Variants in LIG1 observed in about 807,000 individuals in gnomAD.
The protein encoded by LIG1 is ligase I, DNA, ATP-dependent.
LIG1 carries 70 observed loss-of-function variants against 115.7 expected under a neutral mutation model. The observed-to-expected ratio is 0.60, with a 90% CI of 0.50 to 0.74. LIG1 has a LOEUF of 0.74. LIG1 is among the 30% of genes least tolerant of loss of function. The pLI, the probability that LIG1 is intolerant of heterozygous loss-of-function variation, is 0.00. For synonymous variants in LIG1, 487 were observed against 495.3 expected (o/e 0.98, Z 0.22); for missense variants, 1,115 against 1,225.6 (o/e 0.91, Z 1.35).
At chr19:48,133,909 T>C (rs1179213691) in intron 17 of LIG1, 72 bp downstream of exon 17, 2 of 1,300,132 alleles carry the variant, frequency 1.5e-6, no homozygotes, top group East Asian at 2.5e-5. Flanking sequence ...GCGCCTACGA[T>C]GGCCACCCTC....
intron 17 of LIG1, among the ~76,000 whole-genome samples, chr19:48,133,724 T>C (rs2034193030): frequency 6.6e-6 from 1 of 151,974 alleles, no homozygotes. Flanking sequence ...GCCTCCCGAG[T>C]AGCTGGGATC....
At chr19:48,143,088 C>T (rs561346623) in intron 11 of LIG1, among the ~76,000 whole-genome samples, 1 of 152,302 alleles carries the variant, frequency 6.6e-6, no homozygotes, top group Admixed American at 6.5e-5. Flanking sequence ...CAGGGTGGGG[C>T]AGTGCTATGC....
At chr19:48,128,530 CCT>C (rs955685016) in intron 19 of LIG1, among the ~76,000 whole-genome samples, 20 of 152,226 alleles carry the variant, frequency 1.3e-4, no homozygotes, top group African/African-American at 2.4e-4. Context: ...CACCTGGCCC[CCT>C]GAGCCTCTCT....
intron 9 of LIG1, chr19:48,147,459 T>A (rs573975555): frequency 1.3e-5 from 2 of 152,024 alleles, no homozygotes; most frequent in Non-Finnish European, 2.9e-5. Flanking sequence ...GGAGGATCAC[T>A]TGAGTCCAGG....
At chr19:48,123,619 T>C (rs1051094707) in intron 21 of LIG1, 3 of 435,128 alleles carry the variant, frequency 6.9e-6, no homozygotes, top group African/African-American at 4.0e-5. Context: ...AGTTTTGTTT[T>C]TTGTTTTTGT....
At position 48,131,174 on chromosome 19, in the gene LIG1, G is replaced by C; in HGVS notation, c.1726-3C>G. ...TCCCCGCCTTCCAGGGCGTGGATCT[G>C]TCACGATGGGAGAAGGGAGGGGAAA... is the stretch of plus-strand genomic sequence containing the variant. On this transcript the variant is annotated splice_region_variant and splice_polypyrimidine_tract_variant and intron_variant, in intron 18 of 27. Transcript: ENST00000263274. 6.2e-7 allele frequency: 1 copy of C among 1,612,472 alleles called. No homozygotes were observed. Among genetic ancestry groups the C allele is most frequent in the Non-Finnish European group, 8.5e-7 (1 of 1,178,552 alleles).
rs780538859 is a variant in LIG1, at chr19:48,157,099, A to C, written c.285T>G (p.Pro95=). 1 of 1,613,700 alleles carries C rather than the reference A, an allele frequency of 6.2e-7. No homozygotes were observed. The highest frequency in any genetic ancestry group is 1.1e-5 in the South Asian group (1 of 91,072). The part of the protein sequence containing the change: ...LDCSQVSPPR[P]ATSPENNASL... ...AAGCATTGTTCTCAGGAGATGTGGC[A>C]GGACGGGGCGGGGAGACCTGTGAGC... is the stretch of plus-strand genomic sequence containing the variant. Residue 95 remains proline (P), a synonymous_variant, in exon 5 of 28, where the codon CCT becomes CCG. Transcript: ENST00000263274.
chr19:48,147,371 GAT>G (rs1302848450), intron 9 of LIG1: 1 of 152,086 alleles, frequency 6.6e-6, no homozygotes, highest in African/African-American at 2.4e-5. Context: ...ACTTCAGATG[GAT>G]ATATGATTAT....
At chr19:48,157,216 G>A in intron 4 of LIG1, 76 bp from the exon 5 acceptor site, 11 of 1,426,202 alleles carry the variant, frequency 7.7e-6, no homozygotes, top group Middle Eastern at 2.2e-4. Context: ...AGAGTAGAGG[G>A]GACTGAAACC....
At position 48,151,980 on chromosome 19, in the gene LIG1, G is replaced by C. The variant is rs2035506195; in HGVS notation, c.467-641C>G. Among the ~76,000 whole-genome samples, 4 of 152,006 alleles carry C rather than the reference G, an allele frequency of 2.6e-5. No homozygotes were observed. The South Asian group carries it at 6.2e-4, about 24-fold the overall frequency. On this transcript the variant is annotated intron_variant, in intron 6 of 27. Transcript: ENST00000263274. Reference sequence around the variant, plus strand: ...TTAAAAAAAAAATCTTACCTCTAGGGTCACAATACAAACTACAAAAACCAA... The same window carrying C: ...TTAAAAAAAAAATCTTACCTCTAGGCTCACAATACAAACTACAAAAACCAA...
intron 19 of LIG1, 57 bp downstream of exon 19, chr19:48,131,019 C>T: frequency 7.1e-7 from 1 of 1,400,716 alleles, no homozygotes; most frequent in Non-Finnish European, 1.0e-6. Flanking sequence ...GGGCCTCAGG[C>T]CTTTGCACCC....
rs1183180658 is a variant in LIG1, at chr19:48,136,110, C to A, written c.1347G>T (p.Arg449=). The A allele has an allele frequency of 5.1e-6, 8 of 1,569,452 alleles. No homozygotes were observed. The South Asian group carries it at 8.2e-5, about 16-fold the overall frequency. Residue 449 remains arginine, a synonymous_variant, in exon 15 of 28, where the codon CGG becomes CGT. Coordinates refer to ENST00000263274, the MANE Select transcript of LIG1 (RefSeq NM_000234.3). The part of the protein sequence containing the change: ...ARFIARSLSG[R]LRLGLAEQSV... ...ACTGCTCTGCCAGCCCAAGGCGCAG[C>A]CGTCCGCTCAGGGACCTGGGGAGAG... is the stretch of plus-strand genomic sequence containing the variant.
chr19:48,155,507 C>T (rs2035777877), intron 5 of LIG1, among the ~76,000 whole-genome samples: 1 of 152,102 alleles, frequency 6.6e-6, no homozygotes, highest in African/African-American at 2.4e-5. Flanking sequence ...TCGGCTCAGC[C>T]ATCACCTCCC....
chr19:48,169,352 A>C (rs1292296347), intron 1 of LIG1, among the ~76,000 whole-genome samples: 2 of 152,244 alleles, frequency 1.3e-5, no homozygotes, highest in Non-Finnish European at 2.9e-5. Flanking sequence ...CAAGGTCTGT[A>C]ATCTAGTTAA....
At chr19:48,136,191 T>C in intron 14 of LIG1, 66 bp from the exon 15 acceptor site, 1 of 1,206,262 alleles carries the variant, frequency 8.3e-7, no homozygotes, top group Non-Finnish European at 1.2e-6. Flanking sequence ...TCCTCCCTTC[T>C]CTGATCTCCT....
intron 24 of LIG1, chr19:48,120,844 T>C: frequency 4.9e-6 from 4 of 813,396 alleles, no homozygotes; most frequent in Non-Finnish European, 6.3e-6. Context: ...AGGAGGAACC[T>C]GAATCCCTAA....
chr19:48,115,898 G>A lies in LIG1; in HGVS notation c.2651C>T (p.Pro884Leu), dbSNP rs201176712. Reference sequence around the variant, plus strand: ...CTGAGCACTGGTGGTGGCCTGCTCCGGCTGCTTGTCTTCACGGACTCGAAT... The same window carrying A: ...CTGAGCACTGGTGGTGGCCTGCTCCAGCTGCTTGTCTTCACGGACTCGAAT... ...RFIRVREDKQ[P>L]EQATTSAQVA... The change falls in exon 27 of 28, where the codon CCG becomes CTG. Residue 884 changes from proline to leucine, a missense_variant. Coordinates refer to ENST00000263274, the MANE Select transcript of LIG1 (RefSeq NM_000234.3). 8.1e-6 allele frequency: 13 copies of A among 1,613,978 alleles called. No homozygotes were observed. Among genetic ancestry groups the A allele is most frequent in the South Asian group, 4.4e-5 (4 of 91,082 alleles).
At chr19:48,125,716 T>C (rs1401313805) in intron 21 of LIG1, among the ~76,000 whole-genome samples, 1 of 152,152 alleles carries the variant, frequency 6.6e-6, no homozygotes, top group Non-Finnish European at 1.5e-5. Context: ...GGGCCGGGCG[T>C]GGTGGCTCAC....
intron 2 of LIG1, among the ~76,000 whole-genome samples, chr19:48,162,561 G>A (rs1159794690): frequency 6.6e-6 from 1 of 151,264 alleles, no homozygotes; most frequent in African/African-American, 2.4e-5. Context: ...AGCCTCCCAA[G>A]TAGCTGGAAC....
Sources: gnomAD v4.1 joint callset for allele counts (sites outside exome capture counted in the v4.1 genomes callset) on GRCh38, gnomAD v4.1.1 for gene constraint, MANE v1.5 for transcripts, NCBI Gene and HGNC (gene_info 2026-07-23, HGNC 2026-07-21) for gene names.